CHP1: variants seen among roughly 807,000 people sequenced by gnomAD.
CHP1 encodes the protein calcineurin B homologous protein 1.
Under a neutral mutation model 27.4 loss-of-function variants are expected in CHP1, and 11 were observed. The observed-to-expected ratio is 0.40, with a 90% CI of 0.25 to 0.67. CHP1 has a LOEUF of 0.67. Among genes scored for constraint, CHP1 ranks in the 30% least tolerant of loss-of-function variants. CHP1 has a pLI of 0.38. For missense variants in CHP1, 169 were observed against 251.3 expected, an observed-to-expected ratio of 0.67 and a Z score of 2.22; for synonymous variants, 89 against 87.4, an observed-to-expected ratio of 1.02 and a Z score of -0.10.
intron 2 of CHP1, among the ~76,000 whole-genome samples, chr15:41,253,081 G>C (rs972009353): frequency 6.6e-6 from 1 of 151,734 alleles, no homozygotes; most frequent in African/African-American, 2.4e-5. Flanking sequence ...TGGGACTACA[G>C]GCTCGCGCCA....
intron 2 of CHP1, among the ~76,000 whole-genome samples, chr15:41,248,717 C>A (rs2047348704): frequency 1.3e-5 from 2 of 151,960 alleles, no homozygotes; most frequent in African/African-American, 4.8e-5. Context: ...GTCTCAAGAC[C>A]AGCCTGAGCA....
At chr15:41,238,796 G>T (rs564412688) in intron 1 of CHP1, among the ~76,000 whole-genome samples, 7 of 152,138 alleles carry the variant, frequency 4.6e-5, no homozygotes, top group African/African-American at 1.7e-4. Context: ...AGTTTGCAGT[G>T]AGCCAAGATC....
intron 4 of CHP1, among the ~76,000 whole-genome samples, chr15:41,267,218 G>A (rs1412104232): frequency 2.6e-5 from 4 of 152,052 alleles, no homozygotes; most frequent in Non-Finnish European, 5.9e-5. Flanking sequence ...TGTTAAAAGG[G>A]TACATTTTCC....
intron 1 of CHP1, among the ~76,000 whole-genome samples, chr15:41,236,832 C>CTTT (rs112481886): frequency 7.0e-6 from 1 of 143,604 alleles, no homozygotes; most frequent in Non-Finnish European, 1.5e-5. Context: ...TTAATACTAT[C>CTTT]TTTTTTTTTT....
intron 1 of CHP1, 65 bp from the exon 2 acceptor site, chr15:41,243,602 A>C: frequency 7.8e-7 from 1 of 1,287,606 alleles, no homozygotes; most frequent in Non-Finnish European, 1.1e-6. Flanking sequence ...TTTGACAGCG[A>C]GGGGTGGGTT....
chr15:41,238,889 C>T (rs183977002), intron 1 of CHP1, among the ~76,000 whole-genome samples: 1 of 152,158 alleles, frequency 6.6e-6, no homozygotes, highest in African/African-American at 2.4e-5. Flanking sequence ...GCACGGCCTT[C>T]TCTGAGAGTA....
Position 41,262,795 on chromosome 15 carries a change from G to A in CHP1, c.261G>A (p.Leu87=). The change falls in exon 4 of 7, where the codon TTG becomes TTA. Residue 87 remains leucine (L), a synonymous_variant. Coordinates refer to ENST00000334660, the MANE Select transcript of CHP1 (RefSeq NM_007236.5). ...QVNFRGFMRT[L]AHFRPIEDNE... is the part of the protein sequence containing the mutation. ...ACTTCCGTGGATTCATGCGAACTTT[G>A]GCTCATTTCCGCCCCATTGAGGATA... 6.2e-7 allele frequency: 1 copy of A among 1,613,370 alleles called. No individual in the cohort carries two copies. Among genetic ancestry groups the A allele is most frequent in the Non-Finnish European group, 8.5e-7 (1 of 1,179,984 alleles).
At position 41,256,946 on chromosome 15, in the gene CHP1, C is replaced by A. The variant is rs763337576; in HGVS notation, c.177C>A (p.Ile59=). ...EDFQRIPELA[I]NPLGDRIINA... The stretch of plus-strand genomic sequence containing the variant: ...TCCAGAGGATTCCAGAACTTGCCAT[C>A]AACCCACTGGGGGACCGGATCATCA... The change falls in exon 3 of 7, where the codon ATC becomes ATA. Residue 59 remains isoleucine, a synonymous_variant. Transcript: ENST00000334660. 24 of 1,614,036 alleles carry A rather than the reference C, an allele frequency of 1.5e-5. 1 individual carries two copies. In the East Asian group the frequency reaches 5.1e-4, roughly 34 times the overall value.
intron 2 of CHP1, among the ~76,000 whole-genome samples, chr15:41,247,797 G>C (rs773053764): frequency 6.6e-6 from 1 of 151,362 alleles, no homozygotes; most frequent in Non-Finnish European, 1.5e-5. Flanking sequence ...GTGAAACCCC[G>C]TCTCTACTAA....
chr15:41,251,601 A>G (rs572081678), intron 2 of CHP1, among the ~76,000 whole-genome samples: 4 of 152,248 alleles, frequency 2.6e-5, no homozygotes, highest in Non-Finnish European at 5.9e-5. Context: ...TGGCGGCACT[A>G]GATTCTCATA....
At chr15:41,272,774 C>T (rs796941967) in intron 5 of CHP1, among the ~76,000 whole-genome samples, 3 of 152,066 alleles carry the variant, frequency 2.0e-5, no homozygotes, top group South Asian at 2.1e-4. Flanking sequence ...AGGGGCCAGG[C>T]GCAGTGGCTC....
At chr15:41,269,836 A>T (rs188214411) in intron 4 of CHP1, among the ~76,000 whole-genome samples, 3 of 152,266 alleles carry the variant, frequency 2.0e-5, no homozygotes, top group Admixed American at 2.0e-4. Flanking sequence ...TCACATCCTC[A>T]GGCTGGCGAT....
In CHP1 at chr15:41,243,674, C is replaced by G; in HGVS notation, c.75C>G (p.His25Gln). ...TAATTTTGTGCTCTTTAGTTTCCCA[C>G]AGTCAAATCACTCGCCTCTACAGCC... ...EEIKKETGFS[H>Q]SQITRLYSRF... is the part of the protein sequence containing the mutation. The change falls in exon 2 of 7, where the codon CAC (histidine) becomes CAG (glutamine). Residue 25 changes from histidine to glutamine, a missense_variant. Physicochemically the swap from His to Gln is conservative, Grantham distance 24. Coordinates refer to ENST00000334660, the MANE Select transcript of CHP1 (RefSeq NM_007236.5). 6.2e-7 allele frequency: 1 copy of G among 1,614,058 alleles called. No homozygotes were observed. The highest frequency in any genetic ancestry group is 8.5e-7 in the Non-Finnish European group (1 of 1,179,946).
chr15:41,261,629 T>A (rs1595478894), intron 3 of CHP1, among the ~76,000 whole-genome samples: 1 of 148,960 alleles, frequency 6.7e-6, no homozygotes, highest in Admixed American at 6.7e-5. Flanking sequence ...GAGGCCGAGG[T>A]GGGCAGATCA....
chr15:41,251,840 C>A (rs968560333), intron 2 of CHP1, among the ~76,000 whole-genome samples: 8 of 150,478 alleles, frequency 5.3e-5, no homozygotes, highest in African/African-American at 2.0e-4. Context: ...ACAGGGTTTC[C>A]CTATGTTGCC....
chr15:41,272,622 T>C (rs1206066114), intron 5 of CHP1, among the ~76,000 whole-genome samples: 1 of 151,940 alleles, frequency 6.6e-6, no homozygotes, highest in Non-Finnish European at 1.5e-5. Context: ...GGTTTCGCCA[T>C]GTTGACCAGG....
chr15:41,231,499 C>T (rs754648119), intron 1 of CHP1, 50 bp downstream of exon 1: 37 of 1,543,916 alleles, frequency 2.4e-5, no homozygotes, highest in South Asian at 1.1e-4. Flanking sequence ...GCTGGCCTCA[C>T]AACCAAGGGC....
intron 1 of CHP1, among the ~76,000 whole-genome samples, chr15:41,241,208 A>G (rs1028174781): frequency 1.3e-5 from 2 of 152,236 alleles, no homozygotes; most frequent in African/African-American, 2.4e-5. Flanking sequence ...GAACTTTAGT[A>G]CAAGAATAGC....
At chr15:41,234,608 T>TA (rs1213116959) in intron 1 of CHP1, among the ~76,000 whole-genome samples, 3 of 152,214 alleles carry the variant, frequency 2.0e-5, no homozygotes, top group Non-Finnish European at 2.9e-5. Context: ...ATTTAATGAA[T>TA]AACAGTAAGT....
Sources: gnomAD v4.1 joint callset for allele counts (sites outside exome capture counted in the v4.1 genomes callset) on GRCh38, gnomAD v4.1.1 for gene constraint, MANE v1.5 for transcripts, NCBI Gene and HGNC (gene_info 2026-07-23, HGNC 2026-07-21) for gene names.